The following COL9A3 variants were observed in gnomAD, a reference collection of about 807,000 sequenced individuals.
COL9A3 encodes collagen type IX alpha 3 chain, also known as collagen alpha-3(IX) chain.
In COL9A3, 82 loss-of-function variants were observed where a neutral mutation model predicts 110.2. That is an observed-to-expected ratio of 0.74 (90% CI 0.62 to 0.89). The LOEUF (loss-of-function observed/expected upper bound fraction) is 0.89. Among genes scored for constraint, COL9A3 ranks in the 40% least tolerant of loss-of-function variants. The pLI is 0.00. For missense variants in COL9A3, 1,066 were observed against 981.3 expected, an observed-to-expected ratio of 1.09 and a Z score of -1.15; for synonymous variants, 494 against 403.8, an observed-to-expected ratio of 1.22 and a Z score of -2.68.
intron 7 of COL9A3, 61 bp downstream of exon 7, chr20:62,821,591 C>G (rs1376034934): frequency 6.2e-7 from 1 of 1,609,740 alleles, no homozygotes; most frequent in Non-Finnish European, 8.5e-7. Flanking sequence ...GCCTGCCAGG[C>G]TGGGATGTCC....
At chr20:62,832,086 GC>G in intron 24 of COL9A3, 67 bp from the exon 25 acceptor site, 1 of 1,488,928 alleles carries the variant, frequency 6.7e-7, no homozygotes, top group Non-Finnish European at 9.4e-7. Context: ...CCATTCCTGG[GC>G]CCAGGGCAGG....
chr20:62,839,566 C>CTCACT (rs138506241), intron 31 of COL9A3, among the ~76,000 whole-genome samples: 2 of 151,912 alleles, frequency 1.3e-5, no homozygotes, highest in African/African-American at 4.9e-5. Context: ...CGAGAAGGCA[C>CTCACT]CCGCTCCCAC....
chr20:62,835,210 C>T lies in COL9A3; in HGVS notation c.1369-711C>T, dbSNP rs1006361545. Among the ~76,000 whole-genome samples the T allele has an allele frequency of 3.3e-5, 5 of 152,302 alleles. No individual in the cohort carries two copies. The East Asian group carries it at 5.8e-4, about 18-fold the overall frequency. On this transcript the variant is annotated intron_variant, in intron 26 of 31. Coordinates refer to ENST00000649368, the MANE Select transcript of COL9A3 (RefSeq NM_001853.4). ...GTATTCTGCAGCTGTAACAGAACAC[C>T]GCAGCTTGGGTAGTTTACAAGGGAA...
At chr20:62,837,299 C>A in intron 30 of COL9A3, 34 bp downstream of exon 30, 1 of 1,596,858 alleles carries the variant, frequency 6.3e-7, no homozygotes, top group African/African-American at 1.3e-5. Context: ...GGTCACCCTG[C>A]TGTAAAAATC....
intron 10 of COL9A3, among the ~76,000 whole-genome samples, chr20:62,823,752 C>A (rs1478178210): frequency 6.6e-6 from 1 of 152,244 alleles, no homozygotes; most frequent in African/African-American, 2.4e-5. Flanking sequence ...AGTGCCCCTC[C>A]TAAAAGCCCC....
rs374288852 is a variant in COL9A3, at chr20:62,837,289, G to A, written c.1786+24G>A. On this transcript the variant is annotated intron_variant, in intron 30 of 31. Coordinates refer to ENST00000649368, the MANE Select transcript of COL9A3 (RefSeq NM_001853.4). ...AGGTGAGTGTTTGACCCCATGACAC[G>A]GTCACCCTGCTGTAAAAATCCCTGA... The A allele has an allele frequency of 9.6e-5, 154 of 1,603,474 alleles. 1 individual carries two copies. Among genetic ancestry groups the A allele is most frequent in the South Asian group, 1.6e-4 (15 of 90,978 alleles).
At position 62,832,164 on chromosome 20, in the gene COL9A3, G is replaced by A. The variant is rs1057523258; in HGVS notation, c.1298G>A (p.Gly433Asp). 1 of 1,613,016 alleles carries A rather than the reference G, an allele frequency of 6.2e-7. No homozygotes were observed. Among genetic ancestry groups the A allele is most frequent in the African/African-American group, 1.3e-5 (1 of 75,060 alleles). Residue 433 changes from glycine to aspartate, a missense_variant, in exon 25 of 32, where the codon GGT becomes GAT. Transcript: ENST00000649368. ...RGDVGDRGPG[G>D]AAGPKGDQGI... ...TCTCTCCACATCCAGGGTCCGGGAG[G>A]TGCCGCAGGCCCTAAGGGAGACCAG...
Position 62,817,564 on chromosome 20 carries a change from C to A in COL9A3, c.79-3C>A. ...GCTCCTTAATGAGTTTTCTCCGTTT[C>A]AGAGAGTGGGACTCCCCGGCCCCCC... On this transcript the variant is annotated splice_polypyrimidine_tract_variant and splice_region_variant and intron_variant, in intron 1 of 31. Transcript: ENST00000649368. 1 of 1,541,958 alleles carries A rather than the reference C, an allele frequency of 6.5e-7. No homozygotes were observed. Among genetic ancestry groups the A allele is most frequent in the Non-Finnish European group, 8.8e-7 (1 of 1,140,000 alleles).
chr20:62,828,977 G>C lies in COL9A3; in HGVS notation c.1008+1G>C. 1 of 1,604,032 alleles carries C rather than the reference G, an allele frequency of 6.2e-7. No individual in the cohort carries two copies. Among genetic ancestry groups the C allele is most frequent in the Non-Finnish European group, 8.5e-7 (1 of 1,177,082 alleles). Reference sequence around the variant, plus strand: ...AGAGAAGGGCCCCAACGGGCTGCCGGTGAGTGCCCGGCGGGTGGGGCCAGC... The same window carrying C: ...AGAGAAGGGCCCCAACGGGCTGCCGCTGAGTGCCCGGCGGGTGGGGCCAGC... On this transcript the variant is annotated splice_donor_variant, in intron 19 of 31. Coordinates refer to ENST00000649368, the MANE Select transcript of COL9A3 (RefSeq NM_001853.4). LOFTEE classifies it high-confidence loss of function.
chr20:62,826,971 C>T lies in COL9A3; in HGVS notation c.792+151C>T, dbSNP rs966083386. The T allele has an allele frequency of 3.4e-5, 29 of 864,412 alleles. No homozygotes were observed. The African/African-American group carries it at 3.7e-4, about 11-fold the overall frequency. 53.5% of individuals were successfully genotyped at this position (864,412 alleles called of 1,614,324 possible). A position where few individuals can be genotyped will look rare whatever the true frequency, so the allele number is the denominator to read the frequency against. Reference sequence around the variant, plus strand: ...CCTGGGAGGGCTTGTGGCATGGGTACGGGGGTGCTTACCAATGGAATCCAT... The same window carrying T: ...CCTGGGAGGGCTTGTGGCATGGGTATGGGGGTGCTTACCAATGGAATCCAT... On this transcript the variant is annotated intron_variant, in intron 15 of 31. Transcript: ENST00000649368.
At chr20:62,817,734 C>T (rs1472429482) in intron 2 of COL9A3, 99 bp downstream of exon 2, 2 of 816,064 alleles carry the variant, frequency 2.5e-6, no homozygotes, top group Non-Finnish European at 3.8e-6. Flanking sequence ...AAACCAGGCC[C>T]CACCTCCCAG....
At chr20:62,830,274 G>T in intron 22 of COL9A3, 86 bp from the exon 23 acceptor site, 1 of 1,470,098 alleles carries the variant, frequency 6.8e-7, no homozygotes. Flanking sequence ...CCCACTCTGG[G>T]GGAAGGCTGA....
At position 62,840,436 on chromosome 20, in the gene COL9A3, G is replaced by A. The variant is rs1041664219; in HGVS notation, c.1865-106G>A. The A allele has an allele frequency of 4.5e-5, 49 of 1,086,576 alleles. No individual in the cohort carries two copies. The African/African-American group carries it at 6.3e-4, about 14-fold the overall frequency. 67.3% of individuals were successfully genotyped at this position (1,086,576 alleles called of 1,614,324 possible). On this transcript the variant is annotated intron_variant, in intron 31 of 31. Transcript: ENST00000649368. ...CACCCGCTGTGGCCTCTCCCCAAGT[G>A]AAGAGTGAGCAGATGGAAGAGCAGG...
rs1354654466 is a variant in COL9A3, at chr20:62,820,075, G to C, written c.309+93G>C. 3 of 1,457,518 alleles carry C rather than the reference G, an allele frequency of 2.1e-6. No homozygotes were observed. The Admixed American group carries it at 5.1e-5, about 25-fold the overall frequency. The allele number at this position is 1,457,518 out of a possible 1,614,324, so 90.3% of individuals were successfully genotyped here. ...TCTGTGTCCACAAGGCCAAGGAGCTGGTAGTTCCAAGGACAGCTGCCCTGC... is the reference window on the plus strand; with the variant it reads ...TCTGTGTCCACAAGGCCAAGGAGCTCGTAGTTCCAAGGACAGCTGCCCTGC... On this transcript the variant is annotated intron_variant, in intron 5 of 31. Coordinates refer to ENST00000649368, the MANE Select transcript of COL9A3 (RefSeq NM_001853.4).
intron 26 of COL9A3, among the ~76,000 whole-genome samples, chr20:62,834,637 G>A (rs927134064): frequency 6.7e-6 from 1 of 150,298 alleles, no homozygotes; most frequent in Non-Finnish European, 1.5e-5. Context: ...GTTTCATTTA[G>A]TGAATTCTTT....
rs752143050 is a variant in COL9A3 at position 62,830,387 on chromosome 20, G to A, written c.1189G>A (p.Gly397Arg). 4 of 1,572,806 alleles carry A rather than the reference G, an allele frequency of 2.5e-6. No homozygotes were observed. The highest frequency in any genetic ancestry group is 1.2e-5 in the South Asian group (1 of 86,150). ...GGCCCTCGGCCCACAAGGCCCTCCCGGAGCCCCTGGTGTCCGAGGCTTCCA... is the reference window on the plus strand; with the variant it reads ...GGCCCTCGGCCCACAAGGCCCTCCCAGAGCCCCTGGTGTCCGAGGCTTCCA... ...AGALGPQGPP[G>R]APGVRGFQGQ... The change falls in exon 23 of 32, where the codon GGA becomes AGA. Residue 397 changes from glycine (G) to arginine (R), a missense_variant. Physicochemically the swap from Gly to Arg is moderately radical, Grantham distance 125. Transcript: ENST00000649368.
At chr20:62,820,817 G>A (rs983738210) in intron 5 of COL9A3, among the ~76,000 whole-genome samples, 1 of 152,342 alleles carries the variant, frequency 6.6e-6, no homozygotes, top group South Asian at 2.1e-4. Flanking sequence ...GGCTGCCCAA[G>A]GCTCTGGGGC....
chr20:62,817,860 C>A, intron 2 of COL9A3: 2 of 665,782 alleles, frequency 3.0e-6, no homozygotes, highest in Non-Finnish European at 2.8e-6. Context: ...CCCAGAATGC[C>A]GGCACTGAGG....
At chr20:62,836,998 A>G in intron 29 of COL9A3, 85 bp from the exon 30 acceptor site, 2 of 1,518,896 alleles carry the variant, frequency 1.3e-6, no homozygotes, top group Non-Finnish European at 1.8e-6. Flanking sequence ...GGAAGACAGC[A>G]CCGTGTAGAT....
Sources: gnomAD v4.1 joint callset for allele counts (sites outside exome capture counted in the v4.1 genomes callset) on GRCh38, gnomAD v4.1.1 for gene constraint, MANE v1.5 for transcripts, NCBI Gene and HGNC (gene_info 2026-07-23, HGNC 2026-07-21) for gene names.